FBXL17: variants seen among roughly 807,000 people sequenced by gnomAD.
FBXL17 encodes the protein F-box/LRR-repeat protein 17.
A neutral mutation model predicts 66.2 loss-of-function variants in FBXL17; 22 were observed. The ratio of observed to expected loss-of-function variants is 0.33; its 90% confidence interval spans 0.24 to 0.47. FBXL17 has a LOEUF of 0.47. FBXL17 is among the 20% of genes least tolerant of loss of function. The pLI, the probability that FBXL17 is intolerant of heterozygous loss-of-function variation, is 1.00. For synonymous variants in FBXL17, 474 were observed against 400.5 expected (o/e 1.18, Z -2.19); for missense variants, 878 against 948.2 (o/e 0.93, Z 0.97).
intron 6 of FBXL17, among the ~76,000 whole-genome samples, chr5:108,139,125 GC>G (rs1315085816): frequency 1.6e-4 from 25 of 152,280 alleles, no homozygotes; most frequent in Non-Finnish European, 2.4e-4. Context: ...TTAAGATCAT[GC>G]CATATTTAGT....
At position 107,860,965 on chromosome 5, in the gene FBXL17, T is replaced by A. The variant is rs1561508367; in HGVS notation, c.*755A>T. 1 of 152,188 alleles carries A rather than the reference T, an allele frequency of 6.6e-6. No individual in the cohort carries two copies. The highest frequency in any genetic ancestry group is 1.5e-5 in the Non-Finnish European group (1 of 68,024). 9.4% of individuals were successfully genotyped at this position (152,188 alleles called of 1,614,324 possible). ...AATAAAAGCTAACACAATGTTAACA[T>A]AAAACCAACTAAAATATTTAGTGCT... On this transcript the variant is annotated 3_prime_UTR_variant, in exon 9 of 9. Transcript: ENST00000542267.
At chr5:108,153,912 G>A (rs569139882) in intron 6 of FBXL17, among the ~76,000 whole-genome samples, 4 of 152,250 alleles carry the variant, frequency 2.6e-5, no homozygotes, top group Non-Finnish European at 5.9e-5. Context: ...TAGGTGTCCA[G>A]GGCCCAATTA....
At chr5:107,992,481 ATTAT>A (rs991367226) in intron 7 of FBXL17, among the ~76,000 whole-genome samples, 1 of 152,168 alleles carries the variant, frequency 6.6e-6, no homozygotes, top group Non-Finnish European at 1.5e-5. Context: ...AATTTCTGTC[ATTAT>A]TTATTTAATG....
At chr5:108,281,944 C>T (rs906744684) in intron 4 of FBXL17, among the ~76,000 whole-genome samples, 2 of 151,576 alleles carry the variant, frequency 1.3e-5, no homozygotes, top group Non-Finnish European at 3.0e-5. Context: ...CATATAGCCT[C>T]CCAAGGTTGC....
chr5:108,000,219 C>G (rs1324862426), intron 7 of FBXL17, among the ~76,000 whole-genome samples: 2 of 152,132 alleles, frequency 1.3e-5, no homozygotes, highest in Non-Finnish European at 2.9e-5. Context: ...ATATCAATAA[C>G]AACATCACCC....
chr5:108,318,195 A>C (rs1013014045), intron 4 of FBXL17, among the ~76,000 whole-genome samples: 2 of 151,764 alleles, frequency 1.3e-5, no homozygotes, highest in Non-Finnish European at 3.0e-5. Flanking sequence ...CCAGTTTATC[A>C]ACAAATTAGT....
At chr5:108,068,401 T>C (rs1421601845) in intron 6 of FBXL17, among the ~76,000 whole-genome samples, 1 of 149,148 alleles carries the variant, frequency 6.7e-6, no homozygotes, top group Non-Finnish European at 1.5e-5. Flanking sequence ...AAAAGTACTC[T>C]TTATACCCAT....
chr5:108,311,734 A>G (rs1435236156), intron 4 of FBXL17, among the ~76,000 whole-genome samples: 1 of 152,192 alleles, frequency 6.6e-6, no homozygotes, highest in East Asian at 1.9e-4. Context: ...GGAAAAGAGA[A>G]AAAAACATTA....
At chr5:108,109,567 T>C (rs158178) in intron 6 of FBXL17, among the ~76,000 whole-genome samples, 95,595 of 152,008 alleles carry the variant, frequency 0.63, 31,708 homozygotes, top group East Asian at 0.92. Context: ...AGCCCCTATG[T>C]CACATAAAAC....
At chr5:107,918,625 T>C (rs1053786839) in intron 7 of FBXL17, among the ~76,000 whole-genome samples, 3 of 152,192 alleles carry the variant, frequency 2.0e-5, no homozygotes, top group Non-Finnish European at 4.4e-5. Flanking sequence ...CATAAACACA[T>C]GTTGAAATAT....
chr5:108,061,487 A>T (rs1747921967), intron 6 of FBXL17, among the ~76,000 whole-genome samples: 1 of 152,096 alleles, frequency 6.6e-6, no homozygotes, highest in African/African-American at 2.4e-5. Context: ...CCCCATCCAC[A>T]GGCTGCCCTT....
At chr5:108,333,696 T>C (rs572841385) in intron 4 of FBXL17, among the ~76,000 whole-genome samples, 1 of 152,258 alleles carries the variant, frequency 6.6e-6, no homozygotes, top group South Asian at 2.1e-4. Flanking sequence ...CCTTCTGGAC[T>C]TCAGTCACAT....
intron 4 of FBXL17, among the ~76,000 whole-genome samples, chr5:108,246,428 G>T (rs1014237864): frequency 5.3e-5 from 8 of 152,092 alleles, no homozygotes; most frequent in African/African-American, 1.9e-4. Flanking sequence ...GAGGTGGAAG[G>T]ATCACTTGAG....
At chr5:108,297,167 C>T (rs1758382002) in intron 4 of FBXL17, among the ~76,000 whole-genome samples, 1 of 151,378 alleles carries the variant, frequency 6.6e-6, no homozygotes, top group South Asian at 2.1e-4. Context: ...AGGATTAAGA[C>T]CATTCACCTC....
At chr5:107,884,543 G>A (rs1007236383) in intron 7 of FBXL17, among the ~76,000 whole-genome samples, 1 of 152,176 alleles carries the variant, frequency 6.6e-6, no homozygotes, top group Non-Finnish European at 1.5e-5. Context: ...TGTCCAAGAG[G>A]CCTGAGGGAA....
intron 6 of FBXL17, among the ~76,000 whole-genome samples, chr5:108,124,192 T>A (rs567587216): frequency 1.4e-4 from 21 of 152,152 alleles, no homozygotes; most frequent in African/African-American, 4.8e-4. Context: ...TTTCAGGTCA[T>A]CTGGAGGTTA....
intron 6 of FBXL17, among the ~76,000 whole-genome samples, chr5:108,110,826 A>C (rs116790171): frequency 0.011 from 1,658 of 151,962 alleles, 40 homozygotes; most frequent in African/African-American, 0.038. Context: ...TTTTAAGGAG[A>C]AAAAGCCCTG....
chr5:108,112,658 T>C (rs1434942322), intron 6 of FBXL17, among the ~76,000 whole-genome samples: 1 of 152,068 alleles, frequency 6.6e-6, no homozygotes, highest in African/African-American at 2.4e-5. Flanking sequence ...GATGATAGAA[T>C]TAGTGAACAA....
Position 107,970,252 on chromosome 5 carries a change from G to A in FBXL17, c.1822+50673C>T, listed in dbSNP as rs147411505. 4.4e-4 allele frequency among the ~76,000 whole-genome samples: 67 copies of A among 152,186 alleles called. No homozygotes were observed. In the Middle Eastern group the frequency reaches 0.01, roughly 23 times the overall value. On this transcript the variant is annotated intron_variant, in intron 7 of 8. Transcript: ENST00000542267. ...GTGATGGTTCTCTTTGTTACCAAAC[G>A]CAAGTTCAAAACTCTCTTCTCTCCT...
Sources: allele counts gnomAD v4.1 joint callset (sites outside exome capture counted in the v4.1 genomes callset), GRCh38; gene constraint gnomAD v4.1.1; transcripts MANE v1.5; gene names NCBI Gene and HGNC (gene_info 2026-07-23, HGNC 2026-07-21).